The following ENTREP2 variants were observed in gnomAD, a reference collection of about 807,000 sequenced individuals.
The protein encoded by ENTREP2 is endosomal transmembrane epsin interactor 2, also known as protein ENTREP2.
At chr15:29,602,098 T>G in the ENTREP2 span, among the ~76,000 whole-genome samples, 2 of 152,230 alleles carry the variant, frequency 1.3e-5, no homozygotes, top group African/African-American at 4.8e-5. Flanking sequence ...TGAGTTCGTT[T>G]CATGCTTAAT....
chr15:29,507,507 G>A, the ENTREP2 span, among the ~76,000 whole-genome samples: 2 of 152,160 alleles, frequency 1.3e-5, no homozygotes, highest in Non-Finnish European at 2.9e-5. Context: ...ATAATTGGAA[G>A]TAAAACACTC....
chr15:29,221,271 G>C, the ENTREP2 span, among the ~76,000 whole-genome samples: 6 of 150,656 alleles, frequency 4.0e-5, no homozygotes, highest in South Asian at 1.3e-3. Context: ...GCACAATCTT[G>C]GCTCACTGCA....
the ENTREP2 span, among the ~76,000 whole-genome samples, chr15:29,163,326 C>T: frequency 6.6e-6 from 1 of 152,008 alleles, no homozygotes; most frequent in Admixed American, 6.6e-5. Context: ...CCCTGATTTA[C>T]CTGAAAAAGA....
At chr15:29,207,757 C>T in the ENTREP2 span, among the ~76,000 whole-genome samples, 3 of 152,182 alleles carry the variant, frequency 2.0e-5, no homozygotes, top group Non-Finnish European at 4.4e-5. Context: ...TTCCTTACTC[C>T]AGAGCACGAG....
the ENTREP2 span, among the ~76,000 whole-genome samples, chr15:29,338,653 G>A: frequency 6.6e-6 from 1 of 151,868 alleles, no homozygotes; most frequent in African/African-American, 2.4e-5. Context: ...GGCTGACTGG[G>A]TTAACTTTCC....
chr15:29,646,886 CAG>C, the ENTREP2 span, among the ~76,000 whole-genome samples: 2 of 152,180 alleles, frequency 1.3e-5, no homozygotes, highest in African/African-American at 4.8e-5. Context: ...ATCACTCACT[CAG>C]AGAAATCAAT....
chr15:29,380,612 A>AG, the ENTREP2 span, among the ~76,000 whole-genome samples: 1 of 152,088 alleles, frequency 6.6e-6, no homozygotes, highest in Admixed American at 6.6e-5. Flanking sequence ...CATTTTTCCG[A>AG]GGGAAAAACC....
chr15:29,623,361 T>C, the ENTREP2 span, among the ~76,000 whole-genome samples: 1 of 152,220 alleles, frequency 6.6e-6, no homozygotes, highest in African/African-American at 2.4e-5. Context: ...CCATAGCTAA[T>C]TGTAATTTAC....
the ENTREP2 span, among the ~76,000 whole-genome samples, chr15:29,674,736 G>A: frequency 1.3e-5 from 2 of 148,300 alleles, no homozygotes; most frequent in Non-Finnish European, 3.0e-5. Context: ...GGGTGTGGAG[G>A]AGGGAAGGAG....
the ENTREP2 span, among the ~76,000 whole-genome samples, chr15:29,475,412 T>C: frequency 1.3e-5 from 2 of 152,130 alleles, no homozygotes; most frequent in Non-Finnish European, 2.9e-5. Context: ...TCCGGCTCCC[T>C]TAGCAACCTC....
At chr15:29,661,672 C>T in the ENTREP2 span, among the ~76,000 whole-genome samples, 2 of 152,128 alleles carry the variant, frequency 1.3e-5, no homozygotes, top group Non-Finnish European at 2.9e-5. Flanking sequence ...CACACATACA[C>T]ACACATTTAC....
At chr15:29,656,833 A>C in the ENTREP2 span, among the ~76,000 whole-genome samples, 3 of 152,208 alleles carry the variant, frequency 2.0e-5, no homozygotes, top group African/African-American at 4.8e-5. Flanking sequence ...ATGACCCTCT[A>C]ATCTCACTGC....
the ENTREP2 span, among the ~76,000 whole-genome samples, chr15:29,634,949 G>A: frequency 3.9e-5 from 6 of 152,184 alleles, no homozygotes; most frequent in South Asian, 1.0e-3. Context: ...CCATCCAAAA[G>A]CTCCTGCCAT....
At chr15:29,137,074 G>A in the ENTREP2 span, 6 of 1,459,068 alleles carry the variant, frequency 4.1e-6, no homozygotes, top group Admixed American at 3.4e-5. Context: ...TACTCTGGGG[G>A]GTAATAGGGT....
chr15:29,640,365 GA>G, the ENTREP2 span, among the ~76,000 whole-genome samples: 1 of 152,030 alleles, frequency 6.6e-6, no homozygotes, highest in East Asian at 1.9e-4. Flanking sequence ...AGTAATAAAA[GA>G]AAAAATCTAG....
the ENTREP2 span, among the ~76,000 whole-genome samples, chr15:29,219,784 T>C: frequency 2.0e-5 from 3 of 151,344 alleles, no homozygotes. Flanking sequence ...AAACATCGTA[T>C]GTTCTCACTA....
At chr15:29,662,008 C>T in the ENTREP2 span, among the ~76,000 whole-genome samples, 2 of 151,810 alleles carry the variant, frequency 1.3e-5, no homozygotes, top group African/African-American at 2.4e-5. Context: ...GCCAGGAGTT[C>T]GAGACTAGCC....
the ENTREP2 span, among the ~76,000 whole-genome samples, chr15:29,320,639 A>G: frequency 1.3e-5 from 2 of 152,314 alleles, no homozygotes; most frequent in East Asian, 3.9e-4. Context: ...AAAATGGACA[A>G]ATATGCAAGA....
the ENTREP2 span, among the ~76,000 whole-genome samples, chr15:29,605,566 G>A: frequency 6.6e-6 from 1 of 152,140 alleles, no homozygotes; most frequent in Non-Finnish European, 1.5e-5. Flanking sequence ...GCAGGGCATG[G>A]TAGCACATGC....
Sources: gnomAD v4.1 joint callset for allele counts (sites outside exome capture counted in the v4.1 genomes callset) on GRCh38, gnomAD v4.1.1 for gene constraint, MANE v1.5 for transcripts, NCBI Gene and HGNC (gene_info 2026-07-23, HGNC 2026-07-21) for gene names.